NLRP9: variants seen among roughly 807,000 people sequenced by gnomAD.
NLRP9 encodes NLR family pyrin domain containing 9.
In NLRP9, 88 loss-of-function variants were observed where a neutral mutation model predicts 83.1. The observed-to-expected ratio is 1.06, with a 90% CI of 0.89 to 1.26. The LOEUF (loss-of-function observed/expected upper bound fraction) is 1.26, where lower values mean the gene tolerates loss of function less well. Ranked by LOEUF, NLRP9 falls within the 50% of genes most tolerant of loss-of-function variation. NLRP9 has a pLI of 0.00. For missense variants in NLRP9, 1,308 were observed against 1,179.3 expected, an observed-to-expected ratio of 1.11 and a Z score of -1.60; for synonymous variants, 521 against 447.6, an observed-to-expected ratio of 1.16 and a Z score of -2.07.
Position 55,729,859 on chromosome 19 carries a change from G to A in NLRP9, c.1966C>T (p.Gln656Ter), listed in dbSNP as rs1453173345. The A allele has an allele frequency of 5.0e-6, 8 of 1,613,650 alleles. No individual in the cohort carries two copies. Among genetic ancestry groups the A allele is most frequent in the South Asian group, 3.3e-5 (3 of 91,052 alleles). ...AGTTTTCGGAGTTTACAAACAGGCT[G>A]AGCCAGCGCTTTGCAAAGAATCGCC... ...SLAILCKALA[Q>*]PVCKLRKLIF... Residue 656 changes from glutamine to a stop codon, truncating the protein, a stop_gained, in exon 3 of 9, where the codon CAG (glutamine) becomes TAG (stop). Coordinates refer to ENST00000332836, the MANE Select transcript of NLRP9 (RefSeq NM_176820.4). LOFTEE classifies it high-confidence loss of function.
rs1253288002 is a variant in NLRP9 at position 55,732,763 on chromosome 19, GTCT to G, written c.1065_1067del (p.Glu355del). On this transcript the variant is annotated inframe_deletion, in exon 2 of 9. Coordinates refer to ENST00000332836, the MANE Select transcript of NLRP9 (RefSeq NM_176820.4). ...TGGTGTTTTGGGAGTTTATTTCAAG[GTCT>G]TCTCCCCTCTCTAGCCTCTGTTTCA... The G allele has an allele frequency of 6.2e-7, 1 of 1,614,106 alleles. No homozygotes were observed. The highest frequency in any genetic ancestry group is 1.3e-5 in the African/African-American group (1 of 75,016).
rs182116011 is a variant in NLRP9 at position 55,719,372 on chromosome 19, C to T, written c.2160-2474G>A. ...TTCACCATGTTGGCCAGGGTGATCTCGAACTCCTGAGCTCAAGTGATCTGC... is the reference window on the plus strand; with the variant it reads ...TTCACCATGTTGGCCAGGGTGATCTTGAACTCCTGAGCTCAAGTGATCTGC... On this transcript the variant is annotated intron_variant, in intron 4 of 8. Coordinates refer to ENST00000332836, the MANE Select transcript of NLRP9 (RefSeq NM_176820.4). Among the ~76,000 whole-genome samples, 78 of 152,216 alleles carry T rather than the reference C, an allele frequency of 5.1e-4. 1 individual carries two copies. The highest frequency in any genetic ancestry group is 4.4e-3 in the Admixed American group (67 of 15,278).
intron 3 of NLRP9, among the ~76,000 whole-genome samples, chr19:55,728,752 G>A (rs969969279): frequency 1.3e-5 from 2 of 152,152 alleles, no homozygotes; most frequent in Non-Finnish European, 2.9e-5. Context: ...AGATGTATAA[G>A]GTGCTTTGGG....
At chr19:55,728,523 G>T (rs1425197413) in intron 3 of NLRP9, among the ~76,000 whole-genome samples, 4 of 152,026 alleles carry the variant, frequency 2.6e-5, no homozygotes, top group Non-Finnish European at 4.4e-5. Context: ...GGTGAGCCGA[G>T]ATCATTCCAC....
chr19:55,713,149 G>A (rs1250235714), intron 6 of NLRP9, among the ~76,000 whole-genome samples: 1 of 150,942 alleles, frequency 6.6e-6, no homozygotes, highest in African/African-American at 2.4e-5. Flanking sequence ...TATCAGCATA[G>A]CTACCTCCTC....
intron 1 of NLRP9, among the ~76,000 whole-genome samples, chr19:55,734,676 C>T (rs919535411): frequency 2.0e-5 from 3 of 150,472 alleles, no homozygotes; most frequent in Non-Finnish European, 2.9e-5. Context: ...CTCTTGTCCC[C>T]CAGGCTGGAG....
chr19:55,737,144 A>G (rs932280162), intron 1 of NLRP9: 1 of 151,866 alleles, frequency 6.6e-6, no homozygotes, highest in Non-Finnish European at 1.5e-5. Context: ...AGTCCAGCAG[A>G]ACTGGTTCGG....
At chr19:55,713,038 C>T (rs1987828416) in intron 6 of NLRP9, among the ~76,000 whole-genome samples, 1 of 148,268 alleles carries the variant, frequency 6.7e-6, no homozygotes, top group Admixed American at 6.8e-5. Flanking sequence ...TACTCTGCTC[C>T]AACACTTTGG....
At chr19:55,720,112 A>G (rs1358659758) in intron 4 of NLRP9, among the ~76,000 whole-genome samples, 2 of 152,204 alleles carry the variant, frequency 1.3e-5, no homozygotes, top group Admixed American at 1.3e-4. Context: ...CACCGTGGTC[A>G]TCTGGTTTAT....
intron 4 of NLRP9, among the ~76,000 whole-genome samples, chr19:55,717,981 T>C (rs919864228): frequency 5.3e-5 from 8 of 152,202 alleles, no homozygotes; most frequent in Non-Finnish European, 4.4e-5. Flanking sequence ...AACTCCACTT[T>C]GATCTGTACT....
rs143157558 is a variant in NLRP9, at chr19:55,722,547, G to C, written c.2159+1433C>G. On this transcript the variant is annotated intron_variant, in intron 4 of 8. Coordinates refer to ENST00000332836, the MANE Select transcript of NLRP9 (RefSeq NM_176820.4). ...TTACATTTTTGACGGTTACTGCAAAGACAAGACAGTGAACTGGGAGAGAGA... is the reference window on the plus strand; with the variant it reads ...TTACATTTTTGACGGTTACTGCAAACACAAGACAGTGAACTGGGAGAGAGA... Among the ~76,000 whole-genome samples the C allele has an allele frequency of 1.9e-3, 286 of 152,318 alleles. 1 individual carries two copies. Among genetic ancestry groups the C allele is most frequent in the East Asian group, 3.3e-3 (17 of 5,186 alleles).
intron 8 of NLRP9, chr19:55,711,423 T>G: frequency 7.7e-7 from 1 of 1,296,346 alleles, no homozygotes; most frequent in Non-Finnish European, 1.0e-6. Context: ...CTTAGCCCAT[T>G]CCAGAAGCCC....
intron 4 of NLRP9, among the ~76,000 whole-genome samples, chr19:55,721,432 GT>G (rs910040396): frequency 6.6e-6 from 1 of 152,074 alleles, no homozygotes; most frequent in African/African-American, 2.4e-5. Flanking sequence ...AGTATTAGAT[GT>G]TTTTTTCCTA....
chr19:55,729,752 G>A, intron 3 of NLRP9, 79 bp downstream of exon 3: 1 of 1,149,992 alleles, frequency 8.7e-7, no homozygotes, highest in Admixed American at 2.2e-5. Context: ...TTTATGCATG[G>A]GTCTTCTTCC....
intron 8 of NLRP9, chr19:55,711,286 C>A (rs1987712199): frequency 8.7e-6 from 7 of 806,368 alleles, no homozygotes; most frequent in East Asian, 1.1e-4. Context: ...AAAATAAAAT[C>A]AGAAGGAAAA....
At position 55,732,710 on chromosome 19, in the gene NLRP9, G is replaced by A; in HGVS notation, c.1121C>T (p.Thr374Ile). ...ACTCTGACTTCCTGCTTTGAATACA[G>A]TTGTTAAAAAGGATGCATATAAATA... Reference protein sequence around the residue: ...TTYLYASFLTTVFKAGSQSFP... With the variant: ...TTYLYASFLTIVFKAGSQSFP... Residue 374 changes from threonine to isoleucine, a missense_variant, in exon 2 of 9, where the codon ACT becomes ATT. Transcript: ENST00000332836. The A allele has an allele frequency of 6.2e-7, 1 of 1,614,104 alleles. No homozygotes were observed. The highest frequency in any genetic ancestry group is 8.5e-7 in the Non-Finnish European group (1 of 1,179,986).
rs546166388 is a variant in NLRP9, at chr19:55,719,758, T to C, written c.2160-2860A>G. Among the ~76,000 whole-genome samples the C allele has an allele frequency of 6.6e-5, 10 of 152,306 alleles. No individual in the cohort carries two copies. In the South Asian group the frequency reaches 2.1e-3, roughly 32 times the overall value. The stretch of plus-strand genomic sequence containing the variant: ...TAAAGATAGAGATCATGGTAAAATG[T>C]TCTCAGAAGCCTGTGCAAATGTTCA... On this transcript the variant is annotated intron_variant, in intron 4 of 8. Coordinates refer to ENST00000332836, the MANE Select transcript of NLRP9 (RefSeq NM_176820.4).
chr19:55,721,231 T>C (rs1014274857), intron 4 of NLRP9, among the ~76,000 whole-genome samples: 9 of 152,322 alleles, frequency 5.9e-5, no homozygotes, highest in East Asian at 1.9e-4. Context: ...TGGGTGGTGA[T>C]TGGTATATGG....
chr19:55,734,350 T>C (rs1019304291), intron 1 of NLRP9, among the ~76,000 whole-genome samples: 9 of 103,848 alleles, frequency 8.7e-5, no homozygotes, highest in African/African-American at 3.2e-4. Context: ...GGCAACAGCC[T>C]GACACTCTAT....
Sources: allele counts gnomAD v4.1 joint callset (sites outside exome capture counted in the v4.1 genomes callset), GRCh38; gene constraint gnomAD v4.1.1; transcripts MANE v1.5; gene names NCBI Gene and HGNC (gene_info 2026-07-23, HGNC 2026-07-21).